The following COG6 variants were observed in gnomAD, a reference collection of about 807,000 sequenced individuals.
COG6 encodes component of oligomeric golgi complex 6.
COG6 carries 74 observed loss-of-function variants against 88.8 expected under a neutral mutation model. The ratio of observed to expected loss-of-function variants is 0.83; its 90% CI spans 0.69 to 1.01. The LOEUF is 1.01. Ranked by LOEUF, COG6 falls within the 50% of genes least tolerant of loss-of-function variation. The pLI is 0.00. For missense variants in COG6, 800 were observed against 797.9 expected, an observed-to-expected ratio of 1.00 and a Z score of -0.03; for synonymous variants, 286 against 278.7, an observed-to-expected ratio of 1.03 and a Z score of -0.26.
intron 18 of COG6, among the ~76,000 whole-genome samples, chr13:39,759,038 T>C (rs1238666448): frequency 6.6e-6 from 1 of 152,180 alleles, no homozygotes; most frequent in Non-Finnish European, 1.5e-5. Flanking sequence ...CAGAGACATA[T>C]AAGTAGATTA....
At chr13:39,740,490 A>C (rs1030140659) in intron 18 of COG6, among the ~76,000 whole-genome samples, 1 of 152,230 alleles carries the variant, frequency 6.6e-6, no homozygotes, top group African/African-American at 2.4e-5. Context: ...AATCAAGGTC[A>C]AAAAATTTGT....
rs775916368 is a variant in COG6 at position 39,655,732 on chromosome 13, A to C, written c.6A>C (p.Ala2=). ...GGGGCGGGACGCGCAGCGCTATGGCAGAGGGCAGCGGGGAAGTGGTCGCAG... is the reference window on the plus strand; with the variant it reads ...GGGGCGGGACGCGCAGCGCTATGGCCGAGGGCAGCGGGGAAGTGGTCGCAG... M[A]EGSGEVVAVS... Residue 2 remains alanine, a synonymous_variant, in exon 1 of 19, where the codon GCA becomes GCC. Transcript: ENST00000455146. The C allele has an allele frequency of 1.3e-6, 2 of 1,594,640 alleles. No homozygotes were observed. The highest frequency in any genetic ancestry group is 1.3e-5 in the African/African-American group (1 of 74,460).
Position 39,752,223 on chromosome 13 carries a change from A to G in COG6, c.*1130A>G, listed in dbSNP as rs1880678819. The stretch of plus-strand genomic sequence containing the variant: ...ATTACAAATGAGAAAATTGAAGCAC[A>G]AGGAAAAAAATAACTAGTTTGAAAT... On this transcript the variant is annotated 3_prime_UTR_variant, in exon 19 of 19. Coordinates refer to ENST00000455146, the MANE Select transcript of COG6 (RefSeq NM_020751.3). The G allele has an allele frequency of 3.8e-6, 4 of 1,062,678 alleles. No homozygotes were observed. Among genetic ancestry groups the G allele is most frequent in the East Asian group, 1.2e-4 (2 of 16,540 alleles). The allele number at this position is 1,062,678 out of a possible 1,614,324, so 65.8% of individuals were successfully genotyped here.
At chr13:39,767,913 C>T (rs970345845) in intron 18 of COG6, among the ~76,000 whole-genome samples, 6 of 152,116 alleles carry the variant, frequency 3.9e-5, no homozygotes, top group African/African-American at 1.4e-4. Context: ...AAATGGAGAC[C>T]TGCTGGCAAA....
chr13:39,656,277 T>A, intron 1 of COG6: 1 of 448,092 alleles, frequency 2.2e-6, no homozygotes, highest in South Asian at 1.6e-5. Context: ...CAAGATAAGG[T>A]AGCGCAAATG....
chr13:39,714,568 A>G (rs1016725610), intron 13 of COG6, among the ~76,000 whole-genome samples: 1 of 152,194 alleles, frequency 6.6e-6, no homozygotes, highest in African/African-American at 2.4e-5. Context: ...AACCACAGTG[A>G]GACACCACCT....
At chr13:39,697,825 T>C (rs930116338) in intron 12 of COG6, among the ~76,000 whole-genome samples, 1 of 151,974 alleles carries the variant, frequency 6.6e-6, no homozygotes, top group African/African-American at 2.4e-5. Context: ...CTCTGAATAG[T>C]ATTTACATGA....
At chr13:39,723,505 C>G in intron 16 of COG6, 65 bp downstream of exon 16, 1 of 930,062 alleles carries the variant, frequency 1.1e-6, no homozygotes, top group Admixed American at 1.7e-5. Context: ...TCTTCTAGAG[C>G]TGCACTCTGG....
chr13:39,743,468 A>G (rs1320736753), intron 18 of COG6, among the ~76,000 whole-genome samples: 1 of 152,230 alleles, frequency 6.6e-6, no homozygotes, highest in Admixed American at 6.5e-5. Flanking sequence ...AGAGAATACT[A>G]TAAACACCTC....
intron 18 of COG6, among the ~76,000 whole-genome samples, chr13:39,744,482 C>T (rs539592852): frequency 7.9e-5 from 12 of 152,292 alleles, no homozygotes; most frequent in African/African-American, 2.9e-4. Flanking sequence ...AGAGCCAAAT[C>T]ATGAGTGAAC....
chr13:39,674,322 T>G (rs1192897392), intron 4 of COG6, among the ~76,000 whole-genome samples: 3 of 152,046 alleles, frequency 2.0e-5, no homozygotes, highest in African/African-American at 7.2e-5. Context: ...ATTTCTTTAC[T>G]TTTTTTGTTT....
At chr13:39,742,059 A>G (rs907950952) in intron 18 of COG6, among the ~76,000 whole-genome samples, 1 of 152,184 alleles carries the variant, frequency 6.6e-6, no homozygotes, top group Non-Finnish European at 1.5e-5. Flanking sequence ...ATGCTGAGAG[A>G]TTTTGTTACT....
intron 18 of COG6, among the ~76,000 whole-genome samples, chr13:39,770,859 G>T (rs1379139126): frequency 6.6e-6 from 1 of 152,216 alleles, no homozygotes; most frequent in African/African-American, 2.4e-5. Context: ...GCTGAAGCGT[G>T]TAGTTACCGC....
At chr13:39,660,917 G>T in intron 3 of COG6, 36 bp downstream of exon 3, 2 of 1,237,288 alleles carry the variant, frequency 1.6e-6, no homozygotes, top group South Asian at 1.2e-5. Flanking sequence ...CATAGTTCCT[G>T]ATATAAACTT....
At chr13:39,689,005 A>G (rs1171132113) in intron 10 of COG6, among the ~76,000 whole-genome samples, 1 of 152,208 alleles carries the variant, frequency 6.6e-6, no homozygotes, top group Non-Finnish European at 1.5e-5. Context: ...CTAACTCTTC[A>G]GTATCAAGAT....
In COG6 at chr13:39,687,450, T is replaced by A; in HGVS notation, c.789-53T>A. On this transcript the variant is annotated intron_variant, in intron 8 of 18. Transcript: ENST00000455146. ...CTCAGAAATTGCGTGAATAGTCTGA[T>A]ATAGCCACTAGAAACAACCCCAACC... 8 of 1,530,218 alleles carry A rather than the reference T, an allele frequency of 5.2e-6. 1 individual carries two copies. In the South Asian group the frequency reaches 9.0e-5, roughly 17 times the overall value. The allele number at this position is 1,530,218 out of a possible 1,614,324, so 94.8% of individuals were successfully genotyped here.
At chr13:39,682,617 C>T in intron 8 of COG6, 2 of 216,142 alleles carry the variant, frequency 9.3e-6, no homozygotes, top group Admixed American at 1.1e-4. Flanking sequence ...GAAGTCATAT[C>T]AGTACTGAGA....
In COG6 at chr13:39,669,575, A is replaced by G. The variant is rs147376173; in HGVS notation, c.428+4421A>G. Among the ~76,000 whole-genome samples the G allele has an allele frequency of 7.0e-4, 107 of 152,382 alleles. No individual in the cohort carries two copies. In the East Asian group the frequency reaches 0.02, roughly 28 times the overall value. On this transcript the variant is annotated intron_variant, in intron 4 of 18. Transcript: ENST00000455146. ...GCCTGCTATTTTACAGATTCAATAA[A>G]TAATTTTTGAGTAAATGAATATGGA...
chr13:39,674,507 C>T lies in COG6; in HGVS notation c.429-2961C>T, dbSNP rs183593167. On this transcript the variant is annotated intron_variant, in intron 4 of 18. Coordinates refer to ENST00000455146, the MANE Select transcript of COG6 (RefSeq NM_020751.3). ...AAGGAATCATGAAAATTAAGTAGTC[C>T]GTTTATTTTAAATACTTAGGCAGTA... Among the ~76,000 whole-genome samples the T allele has an allele frequency of 1.2e-4, 18 of 152,016 alleles. No homozygotes were observed. In the South Asian group the frequency reaches 1.2e-3, roughly 11 times the overall value.
Sources: allele counts gnomAD v4.1 joint callset (sites outside exome capture counted in the v4.1 genomes callset), GRCh38; gene constraint gnomAD v4.1.1; transcripts MANE v1.5; gene names NCBI Gene and HGNC (gene_info 2026-07-23, HGNC 2026-07-21).